DLC1: variants seen among roughly 807,000 people sequenced by gnomAD.
The protein encoded by DLC1 is rho GTPase-activating protein 7.
A neutral mutation model predicts 140.3 loss-of-function variants in DLC1; 54 were observed. That is an observed-to-expected ratio of 0.38 (90% CI 0.31 to 0.48). The LOEUF is 0.48. Among genes scored for constraint, DLC1 ranks in the 20% least tolerant of loss-of-function variants. The pLI is 0.96. For synonymous variants in DLC1, 986 were observed against 728.1 expected (o/e 1.35, Z -5.70); for missense variants, 2,536 against 1,907.0 (o/e 1.33, Z -6.14).
chr8:13,239,281 A>C (rs560660893), intron 5 of DLC1, among the ~76,000 whole-genome samples: 1 of 152,234 alleles, frequency 6.6e-6, no homozygotes, highest in South Asian at 2.1e-4. Context: ...TTAAATCCTC[A>C]GGGAAGAGCG....
At chr8:13,180,183 GCAGTCAAACTA>G (rs1417626068) in intron 5 of DLC1, among the ~76,000 whole-genome samples, 1 of 152,150 alleles carries the variant, frequency 6.6e-6, no homozygotes, top group Non-Finnish European at 1.5e-5. Context: ...TGTCTTTAGT[GCAGTCAAACTA>G]CTTGTTCCCT....
chr8:13,215,959 C>T (rs535818180), intron 5 of DLC1, among the ~76,000 whole-genome samples: 18 of 152,284 alleles, frequency 1.2e-4, no homozygotes, highest in African/African-American at 4.1e-4. Flanking sequence ...CCAGATCCCT[C>T]TTACCCACTC....
At chr8:13,270,933 G>A (rs1185845547) in intron 5 of DLC1, among the ~76,000 whole-genome samples, 4 of 152,056 alleles carry the variant, frequency 2.6e-5, no homozygotes, top group Admixed American at 1.3e-4. Context: ...ATTTCATGAC[G>A]TAGGTGCTGT....
At chr8:13,345,432 G>A (rs551826761) in intron 4 of DLC1, among the ~76,000 whole-genome samples, 2 of 152,142 alleles carry the variant, frequency 1.3e-5, no homozygotes, top group African/African-American at 4.8e-5. Flanking sequence ...GGCAATGAGG[G>A]AGGGAAGGAG....
At chr8:13,193,976 A>G (rs1343968590) in intron 5 of DLC1, among the ~76,000 whole-genome samples, 1 of 152,182 alleles carries the variant, frequency 6.6e-6, no homozygotes, top group Non-Finnish European at 1.5e-5. Flanking sequence ...CTTTATTAGC[A>G]TTTTAAATTC....
intron 5 of DLC1, among the ~76,000 whole-genome samples, chr8:13,223,287 C>T (rs1257008694): frequency 6.6e-6 from 1 of 152,140 alleles, no homozygotes; most frequent in Non-Finnish European, 1.5e-5. Context: ...ACAACCCCGC[C>T]CCCAGCAACA....
In DLC1 at chr8:13,177,467, T is replaced by C. The variant is rs377112167; in HGVS notation, c.1349-61810A>G. On this transcript the variant is annotated intron_variant, in intron 5 of 17. Coordinates refer to ENST00000276297, the MANE Select transcript of DLC1 (RefSeq NM_182643.3). ...ATATAGCACTTCTCAGCAAACTGAG[T>C]GTATTGTTTATAGAATTTCACAAGT... is the stretch of plus-strand genomic sequence containing the variant. Among the ~76,000 whole-genome samples the C allele has an allele frequency of 2.4e-4, 37 of 152,242 alleles. No homozygotes were observed. The East Asian group carries it at 3.9e-3, about 16-fold the overall frequency.
intron 2 of DLC1, among the ~76,000 whole-genome samples, chr8:13,418,067 T>G (rs9657216): frequency 0.61 from 92,910 of 151,878 alleles, 28,975 homozygotes; most frequent in Non-Finnish European, 0.67. Flanking sequence ...GGTGGTTTGT[T>G]TTTTTCTTGT....
intron 5 of DLC1, among the ~76,000 whole-genome samples, chr8:13,213,993 AG>A (rs1828069636): frequency 1.3e-5 from 2 of 152,150 alleles, no homozygotes; most frequent in African/African-American, 4.8e-5. Context: ...CATGTTGGCC[AG>A]GCCGCTCTCG....
chr8:13,368,080 C>T (rs1835571896), intron 4 of DLC1, among the ~76,000 whole-genome samples: 1 of 152,104 alleles, frequency 6.6e-6, no homozygotes, highest in African/African-American at 2.4e-5. Flanking sequence ...TCAAGAGGCC[C>T]TTGTGTTCCA....
At chr8:13,509,992 G>T (rs536961214) in intron 1 of DLC1, among the ~76,000 whole-genome samples, 1 of 152,138 alleles carries the variant, frequency 6.6e-6, no homozygotes, top group East Asian at 1.9e-4. Context: ...GATGTAAAGT[G>T]ACTTGATCAT....
chr8:13,350,482 G>T (rs548004208), intron 4 of DLC1, among the ~76,000 whole-genome samples: 1 of 152,120 alleles, frequency 6.6e-6, no homozygotes, highest in Admixed American at 6.5e-5. Flanking sequence ...TTGGAAAGCC[G>T]AGGCAGGTGG....
chr8:13,566,557 T>C (rs927721136), intron 1 of DLC1, among the ~76,000 whole-genome samples: 1 of 152,212 alleles, frequency 6.6e-6, no homozygotes, highest in African/African-American at 2.4e-5. Flanking sequence ...TTTTTAAATC[T>C]AGATGCATTT....
chr8:13,314,134 A>G (rs902674848), intron 4 of DLC1, among the ~76,000 whole-genome samples: 1 of 151,602 alleles, frequency 6.6e-6, no homozygotes, highest in Non-Finnish European at 1.5e-5. Flanking sequence ...TTTAATCAGA[A>G]CTCTTCACAA....
chr8:13,501,488 T>G (rs1801816836), intron 1 of DLC1, among the ~76,000 whole-genome samples: 1 of 152,162 alleles, frequency 6.6e-6, no homozygotes, highest in South Asian at 2.1e-4. Flanking sequence ...ACAACATGGG[T>G]TGAGTTACTG....
intron 5 of DLC1, among the ~76,000 whole-genome samples, chr8:13,177,849 T>C (rs571728456): frequency 1.3e-5 from 2 of 152,184 alleles, no homozygotes; most frequent in Non-Finnish European, 2.9e-5. Context: ...ATTTGGATAA[T>C]AGATTAATAG....
intron 1 of DLC1, chr8:13,567,298 C>G: frequency 1.9e-6 from 3 of 1,551,730 alleles, no homozygotes; most frequent in Non-Finnish European, 2.6e-6. Flanking sequence ...ACGGCACCAA[C>G]CAGACACCAA....
rs1458503033 is a variant in DLC1 at position 13,396,058 on chromosome 8, C to CTTTTTTTTTTTTTT, written c.1174-2366_1174-2365insAAAAAAAAAAAAAA. Among the ~76,000 whole-genome samples the CTTTTTTTTTTTTTT allele has an allele frequency of 1.5e-5, 2 of 133,364 alleles. 1 individual carries two copies. The highest frequency in any genetic ancestry group is 3.1e-5 in the Non-Finnish European group (2 of 63,880). 87.5% of individuals were successfully genotyped at this position (133,364 alleles called of 152,430 possible). A position where few individuals can be genotyped will look rare whatever the true frequency, so the allele number is the denominator to read the frequency against. ...GAAATATTTTGCATTAATTTCTTTT[C>CTTTTTTTTTTTTTT]TTTCTTTTTTTTTTTTTTTGAGACG... is the stretch of plus-strand genomic sequence containing the variant. On this transcript the variant is annotated intron_variant, in intron 3 of 17. Coordinates refer to ENST00000276297, the MANE Select transcript of DLC1 (RefSeq NM_182643.3).
chr8:13,117,369 T>C (rs1820645631), intron 5 of DLC1, among the ~76,000 whole-genome samples: 1 of 152,068 alleles, frequency 6.6e-6, no homozygotes, highest in Admixed American at 6.6e-5. Flanking sequence ...TCCCAGCTAC[T>C]CTGGAGGCTG....
Sources: gnomAD v4.1 joint callset for allele counts (sites outside exome capture counted in the v4.1 genomes callset) on GRCh38, gnomAD v4.1.1 for gene constraint, MANE v1.5 for transcripts, NCBI Gene and HGNC (gene_info 2026-07-23, HGNC 2026-07-21) for gene names.